EIPR1: variants seen among roughly 807,000 people sequenced by gnomAD.
EIPR1 encodes the protein EARP and GARP complex-interacting protein 1.
Under a neutral mutation model 48.1 loss-of-function variants are expected in EIPR1, and 25 were observed. The ratio of observed to expected loss-of-function variants is 0.52; its 90% CI spans 0.38 to 0.73. The LOEUF (loss-of-function observed/expected upper bound fraction) is 0.73. Ranked by LOEUF, EIPR1 falls within the 30% of genes least tolerant of loss-of-function variation. EIPR1 has a pLI of 0.00. For synonymous variants in EIPR1, 204 were observed against 201.9 expected, an observed-to-expected ratio of 1.01 and a Z score of -0.09; for missense variants, 415 against 506.2, an observed-to-expected ratio of 0.82 and a Z score of 1.73.
At chr2:3,199,061 G>C (rs34621254) in intron 5 of EIPR1, among the ~76,000 whole-genome samples, 932 of 21,738 alleles carry the variant, frequency 0.043, 96 homozygotes, top group African/African-American at 0.067. Flanking sequence ...ATTTTAGAGG[G>C]CCCCCCCCCC....
intron 4 of EIPR1, among the ~76,000 whole-genome samples, chr2:3,217,170 T>C (rs1044536995): frequency 2.0e-5 from 3 of 152,112 alleles, no homozygotes; most frequent in South Asian, 2.1e-4. Flanking sequence ...GCAAAATAGA[T>C]TGGGGAGAAG....
chr2:3,199,836 G>A (rs1180387654), intron 5 of EIPR1, among the ~76,000 whole-genome samples: 2 of 149,648 alleles, frequency 1.3e-5, no homozygotes, highest in African/African-American at 2.5e-5. Flanking sequence ...CAGAGGTGAC[G>A]GGGTGTGTCT....
chr2:3,208,704 G>A, intron 5 of EIPR1: 1 of 1,550,254 alleles, frequency 6.5e-7, no homozygotes, highest in Non-Finnish European at 8.7e-7. Context: ...GAAACACTCG[G>A]CGGGTCCTTC....
chr2:3,287,648 A>T (rs536937331), intron 3 of EIPR1, among the ~76,000 whole-genome samples: 15 of 151,586 alleles, frequency 9.9e-5, no homozygotes, highest in Non-Finnish European at 1.9e-4. Context: ...ACGCTCCGGA[A>T]AGCTCGTTCA....
At chr2:3,196,053 C>A (rs757549387) in intron 6 of EIPR1, among the ~76,000 whole-genome samples, 7 of 152,236 alleles carry the variant, frequency 4.6e-5, no homozygotes, top group Non-Finnish European at 8.8e-5. Flanking sequence ...GCAGGACGTT[C>A]ATCACGGGCT....
intron 4 of EIPR1, among the ~76,000 whole-genome samples, chr2:3,252,051 T>C (rs1281303466): frequency 6.6e-6 from 1 of 152,208 alleles, no homozygotes; most frequent in African/African-American, 2.4e-5. Context: ...AGGTAATGCA[T>C]GCAAAGCCCT....
At chr2:3,267,759 G>C (rs539547980) in intron 3 of EIPR1, among the ~76,000 whole-genome samples, 1 of 152,192 alleles carries the variant, frequency 6.6e-6, no homozygotes, top group African/African-American at 2.4e-5. Context: ...TGAGCTAAGA[G>C]TGGTTCTGCA....
At chr2:3,367,083 G>GA (rs1670992196) in intron 1 of EIPR1, among the ~76,000 whole-genome samples, 1 of 141,424 alleles carries the variant, frequency 7.1e-6, no homozygotes, top group Non-Finnish European at 1.5e-5. Context: ...AAAAATAAAC[G>GA]AAAATAAATT....
At position 3,307,563 on chromosome 2, in the gene EIPR1, C is replaced by T. The variant is rs112363658; in HGVS notation, c.259+30454G>A. Among the ~76,000 whole-genome samples the T allele has an allele frequency of 1.1e-3, 175 of 152,318 alleles. 1 individual carries two copies. The highest frequency in any genetic ancestry group is 3.4e-3 in the Middle Eastern group (1 of 294). ...CCAGGAAACAAGAGCCCCGCCCTGC[C>T]CACTACCTGCGCACAGCCTCAGGAG... On this transcript the variant is annotated intron_variant, in intron 3 of 8. Coordinates refer to ENST00000382125, the MANE Select transcript of EIPR1 (RefSeq NM_003310.5).
rs531089973 is a variant in EIPR1, at chr2:3,252,825, G to A, written c.416+4474C>T. 1.4e-3 allele frequency among the ~76,000 whole-genome samples: 211 copies of A among 152,250 alleles called. 1 individual carries two copies. Among genetic ancestry groups the A allele is most frequent in the Non-Finnish European group, 2.2e-3 (147 of 68,014 alleles). On this transcript the variant is annotated intron_variant, in intron 4 of 8. Transcript: ENST00000382125. ...CCTGAGGGGCCCTTACAGGAACCCC[G>A]GCACTGCCTTGTTTTTAGGATCTTC...
chr2:3,272,557 G>A (rs530912925), intron 3 of EIPR1, among the ~76,000 whole-genome samples: 9 of 152,288 alleles, frequency 5.9e-5, no homozygotes, highest in South Asian at 2.1e-4. Flanking sequence ...GGAAACTGCC[G>A]GTTGATGGAG....
At chr2:3,370,329 G>A (rs1187556310) in intron 1 of EIPR1, among the ~76,000 whole-genome samples, 3 of 152,168 alleles carry the variant, frequency 2.0e-5, no homozygotes, top group Non-Finnish European at 4.4e-5. Context: ...AAAGCAGAGC[G>A]CTTCTCCTCC....
chr2:3,311,685 G>A (rs1669133552), intron 3 of EIPR1, among the ~76,000 whole-genome samples: 2 of 152,134 alleles, frequency 1.3e-5, no homozygotes, highest in African/African-American at 4.8e-5. Flanking sequence ...CAGGGCTAGG[G>A]GTCCAGTCAC....
intron 2 of EIPR1, among the ~76,000 whole-genome samples, chr2:3,339,720 G>A (rs984403337): frequency 4.6e-5 from 7 of 152,174 alleles, no homozygotes; most frequent in Admixed American, 2.0e-4. Flanking sequence ...AGGCCGAGGC[G>A]GGCGGATCAC....
At chr2:3,191,709 G>A (rs1664612233) in intron 8 of EIPR1, among the ~76,000 whole-genome samples, 1 of 152,194 alleles carries the variant, frequency 6.6e-6, no homozygotes, top group Non-Finnish European at 1.5e-5. Flanking sequence ...TCTAAAGGTG[G>A]ACTGCTCAAG....
chr2:3,295,667 T>TTGCA (rs1668548954), intron 3 of EIPR1, among the ~76,000 whole-genome samples: 1 of 90,444 alleles, frequency 1.1e-5, no homozygotes. Context: ...TCCTCTCTAC[T>TTGCA]CACACACACC....
intron 3 of EIPR1, among the ~76,000 whole-genome samples, chr2:3,302,852 A>T (rs909633346): frequency 6.6e-6 from 1 of 152,220 alleles, no homozygotes; most frequent in Non-Finnish European, 1.5e-5. Context: ...TCTGGCATGC[A>T]GCAGAGAGGG....
At chr2:3,197,485 G>A (rs748801625) in intron 5 of EIPR1, among the ~76,000 whole-genome samples, 6 of 152,146 alleles carry the variant, frequency 3.9e-5, no homozygotes, top group Admixed American at 1.3e-4. Flanking sequence ...CACGGCCTTC[G>A]CCTGGCATTT....
intron 3 of EIPR1, among the ~76,000 whole-genome samples, chr2:3,285,648 G>C (rs1668160627): frequency 6.6e-6 from 1 of 150,932 alleles, no homozygotes; most frequent in South Asian, 2.1e-4. Context: ...ACATGGAGCA[G>C]AAGTCACCGA....
Sources: gnomAD v4.1 joint callset for allele counts (sites outside exome capture counted in the v4.1 genomes callset) on GRCh38, gnomAD v4.1.1 for gene constraint, MANE v1.5 for transcripts, NCBI Gene and HGNC (gene_info 2026-07-23, HGNC 2026-07-21) for gene names.